PATL2: variants seen among roughly 807,000 people sequenced by gnomAD.
PATL2 encodes protein PAT1 homolog 2.
PATL2 carries 73 observed loss-of-function variants against 77.0 expected under a neutral mutation model. That is an observed-to-expected ratio of 0.95 (90% CI 0.78 to 1.15). PATL2 has a LOEUF of 1.15. PATL2 is among the 50% of genes most tolerant of loss of function. The pLI, the probability that PATL2 is intolerant of heterozygous loss-of-function variation, is 0.00. For missense variants in PATL2, 618 were observed against 655.4 expected, an observed-to-expected ratio of 0.94 and a Z score of 0.62; for synonymous variants, 265 against 257.1, an observed-to-expected ratio of 1.03 and a Z score of -0.29.
At chr15:44,666,644 C>T in intron 16 of PATL2, 103 bp from the exon 17 acceptor site, 1 of 1,236,500 alleles carries the variant, frequency 8.1e-7, no homozygotes, top group Non-Finnish European at 1.1e-6. Context: ...CATTGTCCCC[C>T]ACCCCCAGGT....
intron 3 of PATL2, among the ~76,000 whole-genome samples, chr15:44,689,599 A>T (rs538789117): frequency 0.012 from 1,864 of 152,286 alleles, 51 homozygotes; most frequent in East Asian, 0.089. Flanking sequence ...TTCTCAGCAA[A>T]CTAACACAAG....
chr15:44,679,233 A>ATTTTTTTTCTTTTTCTTTTTCTTTTT, intron 3 of PATL2, among the ~76,000 whole-genome samples: 1 of 135,022 alleles, frequency 7.4e-6, no homozygotes, highest in East Asian at 2.2e-4. Flanking sequence ...TGGCCAATTA[A>ATTTTTTTTCTTTTTCTTTTTCTTTTT]TTTTTTTTTT....
intron 3 of PATL2, among the ~76,000 whole-genome samples, chr15:44,705,424 C>G (rs1472632224): frequency 1.3e-5 from 2 of 152,190 alleles, no homozygotes; most frequent in Admixed American, 6.5e-5. Context: ...TCATGATCTG[C>G]CCACCTTGGC....
At position 44,668,420 on chromosome 15, in the gene PATL2, G is replaced by A; in HGVS notation, c.1287C>T (p.Leu429=). The change falls in exon 15 of 18, where the codon CTC becomes CTT. Residue 429 remains leucine (L), a synonymous_variant. Coordinates refer to ENST00000682850, the MANE Select transcript of PATL2 (RefSeq NM_001387263.1). ...KCISHLTLHE[L]LQGLQGLTLL... ...GCGTTAATCCCTGAAGTCCTTGGAGGAGTTCGTGGAGGGTCAAGTGACTAA... is the reference window on the plus strand; with the variant it reads ...GCGTTAATCCCTGAAGTCCTTGGAGAAGTTCGTGGAGGGTCAAGTGACTAA... 1 of 1,551,414 alleles carries A rather than the reference G, an allele frequency of 6.4e-7. No individual in the cohort carries two copies. The highest frequency in any genetic ancestry group is 8.7e-7 in the Non-Finnish European group (1 of 1,146,980).
At position 44,676,541 on chromosome 15, in the gene PATL2, C is replaced by T; in HGVS notation, c.-51G>A. 6.4e-7 allele frequency: 1 copy of T among 1,551,008 alleles called. No homozygotes were observed. Among genetic ancestry groups the T allele is most frequent in the Non-Finnish European group, 8.7e-7 (1 of 1,146,554 alleles). ...TTAGCCGTGTCCTCCAGTGAAACAG[C>T]ATTGCCAGCCTCTGGAAGGTAAACC... On this transcript the variant is annotated 5_prime_UTR_variant, in exon 4 of 18. The change abolishes an upstream ATG in the 5' untranslated region. Coordinates refer to ENST00000682850, the MANE Select transcript of PATL2 (RefSeq NM_001387263.1).
rs995316495 is a variant in PATL2 at position 44,670,027 on chromosome 15, G to T, written c.718C>A (p.Arg240=). 3 of 1,550,908 alleles carry T rather than the reference G, an allele frequency of 1.9e-6. No homozygotes were observed. The highest frequency in any genetic ancestry group is 3.9e-5 in the Admixed American group (2 of 50,798). Residue 240 remains arginine, a synonymous_variant, in exon 10 of 18, where the codon CGG becomes AGG. Transcript: ENST00000682850. ...GTTACCAGCTTGAGGGACTCAACCC[G>T]GTTTCTTCGTCCAAGTAGCTCTTCG... The part of the protein sequence containing the change: ...ADEELLGRRN[R]VESLKLVTPY...
chr15:44,696,892 G>T (rs1385065127), intron 3 of PATL2, among the ~76,000 whole-genome samples: 3 of 152,162 alleles, frequency 2.0e-5, no homozygotes, highest in Non-Finnish European at 4.4e-5. Context: ...GGTGGGCAGG[G>T]TCTGGCGTCT....
chr15:44,710,282 T>C (rs1446647899), intron 2 of PATL2, among the ~76,000 whole-genome samples, 68 bp from the exon 3 acceptor site: 7 of 152,228 alleles, frequency 4.6e-5, no homozygotes, highest in Admixed American at 6.5e-5. Flanking sequence ...GCAAATCCTT[T>C]CAACTGAAAA....
intron 3 of PATL2, among the ~76,000 whole-genome samples, chr15:44,698,945 G>A (rs1181514897): frequency 6.6e-6 from 1 of 152,082 alleles, no homozygotes; most frequent in African/African-American, 2.4e-5. Context: ...TTTTAATGAG[G>A]GTGAGCTGAT....
At chr15:44,669,611 G>C (rs1187019961) in intron 11 of PATL2, 48 bp from the exon 12 acceptor site, 1 of 1,539,740 alleles carries the variant, frequency 6.5e-7, no homozygotes, top group Non-Finnish European at 8.8e-7. Context: ...CACTGCCACA[G>C]CCCTAGCCCA....
In PATL2 at chr15:44,670,071, A is replaced by G. The variant is rs1420951893; in HGVS notation, c.674T>C (p.Leu225Pro). ...DYYYQEYYQKLEKKQADEELL... is the reference protein window; with the variant it reads ...DYYYQEYYQKPEKKQADEELL... ...CTCTTCGTCTGCCTGCTTCTTCTCT[A>G]GCTTCTGGTAATATTCCTGAGAATG... Residue 225 changes from leucine to proline, a missense_variant, in exon 10 of 18, where the codon CTA (leucine) becomes CCA (proline). Coordinates refer to ENST00000682850, the MANE Select transcript of PATL2 (RefSeq NM_001387263.1). 2.6e-6 allele frequency: 4 copies of G among 1,551,590 alleles called. No individual in the cohort carries two copies. Among genetic ancestry groups the G allele is most frequent in the Non-Finnish European group, 3.5e-6 (4 of 1,146,960 alleles).
At position 44,695,872 on chromosome 15, in the gene PATL2, T is replaced by C. The variant is rs141414876; in HGVS notation, c.-76+14224A>G. Among the ~76,000 whole-genome samples the C allele has an allele frequency of 2.0e-3, 311 of 152,128 alleles. 1 individual carries two copies. The highest frequency in any genetic ancestry group is 7.1e-3 in the African/African-American group (295 of 41,466). On this transcript the variant is annotated intron_variant, in intron 3 of 17. Transcript: ENST00000682850. ...ATAATTCTTCCTGGTTTCCTCACAG[T>C]TGTTTTAGGGGAAGAGTTCAGAAAG... is the stretch of plus-strand genomic sequence containing the variant.
chr15:44,683,507 C>A (rs560562642), intron 3 of PATL2, among the ~76,000 whole-genome samples: 5 of 152,284 alleles, frequency 3.3e-5, no homozygotes. Context: ...ACTGCAGCTC[C>A]GCAAAGCTGC....
intron 11 of PATL2, 32 bp from the exon 12 acceptor site, chr15:44,669,595 C>T (rs1316728259): frequency 6.5e-7 from 1 of 1,546,062 alleles, no homozygotes. Flanking sequence ...CTATCAGCTA[C>T]ACTGCCACTG....
intron 15 of PATL2, 94 bp downstream of exon 15, chr15:44,668,248 T>C: frequency 7.3e-7 from 1 of 1,375,734 alleles, no homozygotes; most frequent in Non-Finnish European, 9.7e-7. Context: ...GAGGATAAGA[T>C]TTGTGTAGAG....
Position 44,674,174 on chromosome 15 carries a change from A to T in PATL2, c.279T>A (p.Leu93=). 1 of 1,550,602 alleles carries T rather than the reference A, an allele frequency of 6.4e-7. No individual in the cohort carries two copies. Among genetic ancestry groups the T allele is most frequent in the Non-Finnish European group, 8.7e-7 (1 of 1,146,006 alleles). ...VKAPGMLGMS[L]ASLHFLWQTL... ...CCTGCCACAGAAAATGCAAGGAGGC[A>T]AGTGACATTCCCAGCATACCAGGGG... Residue 93 remains leucine, a synonymous_variant, in exon 6 of 18, where the codon CTT becomes CTA. Coordinates refer to ENST00000682850, the MANE Select transcript of PATL2 (RefSeq NM_001387263.1).
chr15:44,682,352 T>C (rs957566780), intron 3 of PATL2, among the ~76,000 whole-genome samples: 3 of 152,224 alleles, frequency 2.0e-5, no homozygotes, highest in African/African-American at 7.2e-5. Context: ...TCACTGATCC[T>C]TATGCTTTTT....
chr15:44,688,163 G>A (rs1341957318), intron 3 of PATL2, among the ~76,000 whole-genome samples: 5 of 150,382 alleles, frequency 3.3e-5, no homozygotes, highest in Admixed American at 1.3e-4. Context: ...GGCGAATGGC[G>A]TGAACCCGGG....
At chr15:44,668,244 A>C (rs1004404150) in intron 15 of PATL2, 98 bp downstream of exon 15, 9 of 1,358,990 alleles carry the variant, frequency 6.6e-6, no homozygotes, top group Non-Finnish European at 4.9e-6. Context: ...TGCAGAGGAT[A>C]AGATTTGTGT....
Sources: allele counts gnomAD v4.1 joint callset (sites outside exome capture counted in the v4.1 genomes callset), GRCh38; gene constraint gnomAD v4.1.1; transcripts MANE v1.5; gene names NCBI Gene and HGNC (gene_info 2026-07-23, HGNC 2026-07-21).